The following PHC2 variants were observed in gnomAD, a reference collection of about 807,000 sequenced individuals.
PHC2 encodes the protein polyhomeotic homolog 2, also known as polyhomeotic-like protein 2.
A neutral mutation model predicts 87.4 loss-of-function variants in PHC2; 29 were observed. The observed-to-expected ratio is 0.33, with a 90% CI of 0.25 to 0.45. The LOEUF (loss-of-function observed/expected upper bound fraction) is 0.45, where lower values mean the gene tolerates loss of function less well. PHC2 is among the 20% of genes least tolerant of loss of function. The pLI, the probability that PHC2 is intolerant of heterozygous loss-of-function variation, is 1.00. For synonymous variants in PHC2, 438 were observed against 461.7 expected (o/e 0.95, Z 0.66); for missense variants, 857 against 1,136.7 (o/e 0.75, Z 3.54).
rs112189849 is a variant in PHC2, at chr1:33,368,979, C to T, written c.577-357G>A. ...AGAGGAGACCGATATCCCCAGGATACGCTGAAGCCACCACCTCCTTAGCGT... is the reference window on the plus strand; with the variant it reads ...AGAGGAGACCGATATCCCCAGGATATGCTGAAGCCACCACCTCCTTAGCGT... On this transcript the variant is annotated intron_variant, in intron 5 of 14. Transcript: ENST00000683057. The surrounding 1 kb of genome is among the most constrained non-coding windows in gnomAD (Gnocchi z 6.6). Among the ~76,000 whole-genome samples, 250 of 152,246 alleles carry T rather than the reference C, an allele frequency of 1.6e-3. 5 individuals are homozygous for T. The highest frequency in any genetic ancestry group is 5.0e-3 in the African/African-American group (209 of 41,540).
intron 7 of PHC2, among the ~76,000 whole-genome samples, chr1:33,356,250 T>TATATATATATAC (rs1491540241): frequency 1.6e-4 from 6 of 36,870 alleles, no homozygotes; most frequent in African/African-American, 5.3e-4. Context: ...TGAAAATTCT[T>TATATATATATAC]ATATATATAT....
intron 1 of PHC2, among the ~76,000 whole-genome samples, chr1:33,384,315 T>C (rs1430189722): frequency 1.3e-5 from 2 of 152,176 alleles, no homozygotes; most frequent in Non-Finnish European, 1.5e-5. Flanking sequence ...TGAGAGCCAC[T>C]GCTCTAAGGG....
intron 7 of PHC2, among the ~76,000 whole-genome samples, chr1:33,355,858 A>G (rs552143131): frequency 5.9e-5 from 9 of 152,372 alleles, no homozygotes; most frequent in Admixed American, 3.3e-4. Flanking sequence ...CAGCTTCCCA[A>G]TCTAAAAATT....
At chr1:33,347,102 G>A (rs1045827476) in intron 9 of PHC2, 17 of 985,564 alleles carry the variant, frequency 1.7e-5, no homozygotes, top group Non-Finnish European at 2.0e-5. Flanking sequence ...CAGGAAAAAG[G>A]ATGTGGTCTG....
chr1:33,392,915 T>C (rs762297665), intron 1 of PHC2: 1 of 152,118 alleles, frequency 6.6e-6, no homozygotes, highest in Non-Finnish European at 1.5e-5. Context: ...TTTGGAGAAA[T>C]TGCAGGGTAA....
At chr1:33,379,809 T>TCC (rs1279361831) in intron 1 of PHC2, among the ~76,000 whole-genome samples, 1 of 150,982 alleles carries the variant, frequency 6.6e-6, no homozygotes, top group Non-Finnish European at 1.5e-5. Flanking sequence ...ATGAGCTCTC[T>TCC]CCCCTACTCG....
At chr1:33,394,831 A>T (rs972815378) in intron 1 of PHC2, among the ~76,000 whole-genome samples, 5 of 152,168 alleles carry the variant, frequency 3.3e-5, no homozygotes, top group African/African-American at 1.2e-4. Flanking sequence ...TGGCCTCCCG[A>T]AGTGTTGGGA....
At chr1:33,419,235 T>C (rs1650330029) in intron 1 of PHC2, among the ~76,000 whole-genome samples, 2 of 152,250 alleles carry the variant, frequency 1.3e-5, no homozygotes, top group Admixed American at 6.5e-5. Flanking sequence ...TAAGTCATAA[T>C]ATTTTCTCTC....
intron 1 of PHC2, among the ~76,000 whole-genome samples, chr1:33,408,683 T>C (rs1162152242): frequency 6.6e-6 from 1 of 152,162 alleles, no homozygotes; most frequent in Non-Finnish European, 1.5e-5. Flanking sequence ...GCCAGGCTGG[T>C]CTCGAACTCC....
chr1:33,428,353 A>G (rs913019070), intron 1 of PHC2, among the ~76,000 whole-genome samples: 4 of 152,244 alleles, frequency 2.6e-5, no homozygotes, highest in Non-Finnish European at 1.5e-5. Flanking sequence ...TCCAGCACTT[A>G]CAGTATCATC....
At chr1:33,411,822 G>A (rs1213856328) in intron 1 of PHC2, among the ~76,000 whole-genome samples, 2 of 152,170 alleles carry the variant, frequency 1.3e-5, no homozygotes, top group African/African-American at 4.8e-5. Flanking sequence ...GCCTCCCAAA[G>A]TGCTGGGATT....
chr1:33,367,180 C>T lies in PHC2; in HGVS notation c.912G>A (p.Met304Ile), dbSNP rs778992382. The change falls in exon 7 of 15, where the codon ATG becomes ATA. Residue 304 changes from methionine (M) to isoleucine (I), a missense_variant. Transcript: ENST00000683057. The part of the protein sequence containing the change: ...GDGNSSVPGS[M>I]EGRAGLSRTV... ...TCCGGCTGAGCCCAGCCCGGCCTTC[C>T]ATGCTCCCTGGCACACTGCTGTTGC... is the stretch of plus-strand genomic sequence containing the variant. 8 of 1,614,082 alleles carry T rather than the reference C, an allele frequency of 5.0e-6. No individual in the cohort carries two copies. The African/African-American group carries it at 1.1e-4, about 22-fold the overall frequency.
chr1:33,349,374 G>T lies in PHC2; in HGVS notation c.1558+5027C>A, dbSNP rs980281549. On this transcript the variant is annotated intron_variant, in intron 9 of 14. Coordinates refer to ENST00000683057, the MANE Select transcript of PHC2 (RefSeq NM_001385109.1). The surrounding 1 kb of genome is among the most constrained non-coding windows in gnomAD (Gnocchi z 4.2). ...AAGCTGCGGCGCGCCGAGGTGACAC[G>T]GCTTCCAGGGGCGACGGGCGCGCAG... is the stretch of plus-strand genomic sequence containing the variant. 7.1e-6 allele frequency: 7 copies of T among 985,290 alleles called. No homozygotes were observed. The highest frequency in any genetic ancestry group is 8.4e-6 in the Non-Finnish European group (7 of 829,926). 61.0% of individuals were successfully genotyped at this position (985,290 alleles called of 1,614,324 possible).
At chr1:33,325,724 G>A in intron 14 of PHC2, 2 of 359,342 alleles carry the variant, frequency 5.6e-6, no homozygotes, top group Non-Finnish European at 1.1e-5. Flanking sequence ...ACAAGTGATT[G>A]CTGCTTAAAG....
At chr1:33,380,563 TTG>T (rs979315885) in intron 1 of PHC2, among the ~76,000 whole-genome samples, 4 of 152,362 alleles carry the variant, frequency 2.6e-5, no homozygotes, top group African/African-American at 9.6e-5. Context: ...ACACACCACA[TTG>T]TGTTTGTTCA....
intron 14 of PHC2, 77 bp downstream of exon 14, chr1:33,328,790 ATCC>A (rs1403416495): frequency 7.1e-7 from 1 of 1,401,212 alleles, no homozygotes; most frequent in Non-Finnish European, 9.7e-7. Context: ...AAACTACCTA[ATCC>A]TCCTGGTGGT....
At chr1:33,414,881 A>T (rs1341815738) in intron 1 of PHC2, among the ~76,000 whole-genome samples, 10 of 152,248 alleles carry the variant, frequency 6.6e-5, no homozygotes, top group Non-Finnish European at 2.9e-5. Flanking sequence ...CTAAAAAATA[A>T]GTTTGAAACT....
intron 1 of PHC2, among the ~76,000 whole-genome samples, chr1:33,411,706 G>A (rs1275986721): frequency 1.3e-5 from 2 of 151,952 alleles, no homozygotes; most frequent in African/African-American, 4.8e-5. Context: ...GACTAGAGGT[G>A]CGCGCCACCA....
chr1:33,402,608 T>G (rs1649584054), intron 1 of PHC2, among the ~76,000 whole-genome samples: 2 of 152,326 alleles, frequency 1.3e-5, no homozygotes, highest in South Asian at 4.1e-4. Context: ...AATGGAATGC[T>G]ATACAACAGT....
Sources: gnomAD v4.1 joint callset for allele counts (sites outside exome capture counted in the v4.1 genomes callset) on GRCh38, gnomAD v4.1.1 for gene constraint, Gnocchi (gnomAD v3.1) non-coding constraint, MANE v1.5 for transcripts, NCBI Gene and HGNC (gene_info 2026-07-23, HGNC 2026-07-21) for gene names.